Variants in SNAP91 observed in about 807,000 individuals in gnomAD.
The protein encoded by SNAP91 is synaptosome associated protein 91, also known as clathrin coat assembly protein AP180.
Under a neutral mutation model 100.3 loss-of-function variants are expected in SNAP91, and 27 were observed. The observed-to-expected ratio is 0.27, with a 90% CI of 0.20 to 0.37. The LOEUF (loss-of-function observed/expected upper bound fraction) is 0.37, where lower values mean the gene tolerates loss of function less well. SNAP91 is among the 10% of genes least tolerant of loss of function. The pLI, the probability that SNAP91 is intolerant of heterozygous loss-of-function variation, is 1.00. For synonymous variants in SNAP91, 404 were observed against 398.6 expected, an observed-to-expected ratio of 1.01 and a Z score of -0.16; for missense variants, 986 against 1,123.7, an observed-to-expected ratio of 0.88 and a Z score of 1.75.
chr6:83,616,545 A>T (rs2096493620), intron 10 of SNAP91, among the ~76,000 whole-genome samples: 1 of 152,102 alleles, frequency 6.6e-6, no homozygotes, highest in African/African-American at 2.4e-5. Flanking sequence ...TGGAGTCCAA[A>T]AAACTATACT....
chr6:83,646,298 A>G (rs1020202848), intron 7 of SNAP91, among the ~76,000 whole-genome samples: 1 of 152,206 alleles, frequency 6.6e-6, no homozygotes, highest in Non-Finnish European at 1.5e-5. Context: ...AGTCACCATC[A>G]TATCCAAGGT....
At chr6:83,604,335 G>T (rs2095479143) in intron 14 of SNAP91, among the ~76,000 whole-genome samples, 1 of 152,042 alleles carries the variant, frequency 6.6e-6, no homozygotes, top group Non-Finnish European at 1.5e-5. Flanking sequence ...AAAGCTGAGA[G>T]AACAATTTTA....
At chr6:83,563,857 G>T (rs1198423958) in intron 26 of SNAP91, among the ~76,000 whole-genome samples, 1 of 152,074 alleles carries the variant, frequency 6.6e-6, no homozygotes, top group African/African-American at 2.4e-5. Flanking sequence ...AATTAAAGAA[G>T]AACTAAATAA....
chr6:83,617,365 A>T (rs2096540053), intron 9 of SNAP91, among the ~76,000 whole-genome samples: 1 of 152,012 alleles, frequency 6.6e-6, no homozygotes, highest in Non-Finnish European at 1.5e-5. Flanking sequence ...TTCTCATAAG[A>T]CCATAGTAAA....
chr6:83,659,213 A>G lies in SNAP91; in HGVS notation c.453-121T>C, dbSNP rs1043051492. On this transcript the variant is annotated intron_variant, in intron 5 of 29. Transcript: ENST00000369694. ...TTTCCTTATTAATCCTGTGGGATCAATTTGAGGTATTACAAGGTTGTAGTC... is the reference window on the plus strand; with the variant it reads ...TTTCCTTATTAATCCTGTGGGATCAGTTTGAGGTATTACAAGGTTGTAGTC... The G allele has an allele frequency of 2.1e-5, 15 of 709,286 alleles. No individual in the cohort carries two copies. The African/African-American group carries it at 2.5e-4, about 12-fold the overall frequency. The allele number at this position is 709,286 out of a possible 1,614,324, so 43.9% of individuals were successfully genotyped here. A position where few individuals can be genotyped will look rare whatever the true frequency, so the allele number is the denominator to read the frequency against.
intron 26 of SNAP91, among the ~76,000 whole-genome samples, chr6:83,564,445 C>T (rs1179729911): frequency 1.3e-5 from 2 of 151,366 alleles, no homozygotes; most frequent in African/African-American, 2.4e-5. Flanking sequence ...TCAAGTGATT[C>T]TCTACTTCCC....
chr6:83,658,014 G>C (rs1306216814), intron 6 of SNAP91, among the ~76,000 whole-genome samples: 2 of 143,096 alleles, frequency 1.4e-5, no homozygotes, highest in East Asian at 2.1e-4. Context: ...TCCTGACCTT[G>C]TCAAGTGATC....
At chr6:83,631,497 C>T (rs1447594970) in intron 8 of SNAP91, among the ~76,000 whole-genome samples, 4 of 151,956 alleles carry the variant, frequency 2.6e-5, no homozygotes, top group African/African-American at 4.8e-5. Context: ...TATTAGTAAT[C>T]GTTTTTACAA....
At chr6:83,699,632 A>G (rs1175748045) in intron 2 of SNAP91, among the ~76,000 whole-genome samples, 2 of 152,218 alleles carry the variant, frequency 1.3e-5, no homozygotes, top group Admixed American at 6.5e-5. Flanking sequence ...ATAACTGAAA[A>G]GCTGAGAATT....
chr6:83,703,236 C>A (rs1408510976), intron 2 of SNAP91, among the ~76,000 whole-genome samples: 1 of 151,014 alleles, frequency 6.6e-6, no homozygotes, highest in East Asian at 1.9e-4. Flanking sequence ...AGTTAGTACA[C>A]TTCTCAAATT....
chr6:83,645,743 C>G (rs750154617), intron 7 of SNAP91, among the ~76,000 whole-genome samples: 1 of 151,958 alleles, frequency 6.6e-6, no homozygotes, highest in East Asian at 1.9e-4. Context: ...CCCAGCTACT[C>G]GGGAGGCTGA....
chr6:83,652,963 ATTTTTGCTCC>A (rs2098267023), intron 7 of SNAP91, among the ~76,000 whole-genome samples: 1 of 152,070 alleles, frequency 6.6e-6, no homozygotes, highest in Non-Finnish European at 1.5e-5. Context: ...CAAAATTCTT[ATTTTTGCTCC>A]TCCACAGACA....
At chr6:83,586,571 C>T (rs1012277918) in intron 22 of SNAP91, among the ~76,000 whole-genome samples, 3 of 152,134 alleles carry the variant, frequency 2.0e-5, no homozygotes, top group African/African-American at 4.8e-5. Context: ...CTTTGTCATC[C>T]AGTAGTCTGC....
At position 83,692,821 on chromosome 6, in the gene SNAP91, C is replaced by T. The variant is rs146292322; in HGVS notation, c.130+14977G>A. ...AGTCATTTGAACCCACCCCCTTCCA[C>T]TTTTTTCCCTACTAGCTAGAGATGG... On this transcript the variant is annotated intron_variant, in intron 2 of 29. Coordinates refer to ENST00000369694, the MANE Select transcript of SNAP91 (RefSeq NM_001242792.2). 2.1e-4 allele frequency among the ~76,000 whole-genome samples: 32 copies of T among 152,332 alleles called. No individual in the cohort carries two copies. In the East Asian group the frequency reaches 6.2e-3, roughly 29 times the overall value.
chr6:83,575,169 C>G, intron 25 of SNAP91, 48 bp from the exon 26 acceptor site: 1 of 1,333,194 alleles, frequency 7.5e-7, no homozygotes, highest in Non-Finnish European at 1.1e-6. Context: ...AATCACAAAT[C>G]AGAAAAAAAT....
chr6:83,677,426 C>G (rs1456290795), intron 2 of SNAP91, among the ~76,000 whole-genome samples: 2 of 152,136 alleles, frequency 1.3e-5, no homozygotes, highest in Non-Finnish European at 2.9e-5. Context: ...CATGAACTCA[C>G]AGAGCTCCAA....
intron 2 of SNAP91, among the ~76,000 whole-genome samples, chr6:83,685,868 C>T (rs528836443): frequency 2.3e-4 from 35 of 152,258 alleles, no homozygotes; most frequent in Admixed American, 8.5e-4. Flanking sequence ...AACGCTCTAC[C>T]GAATGCATTC....
At chr6:83,602,622 TAGA>T (rs2095337057) in intron 14 of SNAP91, among the ~76,000 whole-genome samples, 1 of 152,168 alleles carries the variant, frequency 6.6e-6, no homozygotes, top group African/African-American at 2.4e-5. Context: ...GGGCAAATTG[TAGA>T]AGTTTATTTC....
chr6:83,702,710 GA>G (rs569861186), intron 2 of SNAP91, among the ~76,000 whole-genome samples: 3,211 of 128,798 alleles, frequency 0.025, 104 homozygotes, highest in African/African-American at 0.084. Flanking sequence ...TGCAAAAACT[GA>G]AAAAAAAAAA....
Sources: gnomAD v4.1 joint callset for allele counts (sites outside exome capture counted in the v4.1 genomes callset) on GRCh38, gnomAD v4.1.1 for gene constraint, MANE v1.5 for transcripts, NCBI Gene and HGNC (gene_info 2026-07-23, HGNC 2026-07-21) for gene names.